The following COLEC12 variants were observed in gnomAD, a reference collection of about 807,000 sequenced individuals.
COLEC12 encodes collectin-12.
A neutral mutation model predicts 71.1 loss-of-function variants in COLEC12; 33 were observed. That is an observed-to-expected ratio of 0.46 (90% confidence interval 0.35 to 0.62). COLEC12 has a LOEUF of 0.62. Among genes scored for constraint, COLEC12 ranks in the 20% least tolerant of loss-of-function variants. The probability of loss-of-function intolerance (pLI) is 0.00; values close to 1 mark genes in which losing one functional copy is unlikely to be tolerated. For missense variants in COLEC12, 765 were observed against 916.1 expected, an observed-to-expected ratio of 0.84 and a Z score of 2.13; for synonymous variants, 350 against 353.0, an observed-to-expected ratio of 0.99 and a Z score of 0.10.
At chr18:405,190 C>G (rs530795076) in intron 2 of COLEC12, among the ~76,000 whole-genome samples, 2 of 152,166 alleles carry the variant, frequency 1.3e-5, no homozygotes, top group African/African-American at 4.8e-5. Flanking sequence ...CAAGACAATA[C>G]GTGCACCGCT....
chr18:455,531 A>G (rs540450113), intron 2 of COLEC12, among the ~76,000 whole-genome samples: 6 of 152,240 alleles, frequency 3.9e-5, no homozygotes, highest in Admixed American at 3.9e-4. Context: ...CAGAATGTAC[A>G]GGTTTGTTAC....
At chr18:329,963 G>T (rs1245504871) in intron 8 of COLEC12, among the ~76,000 whole-genome samples, 3 of 152,120 alleles carry the variant, frequency 2.0e-5, no homozygotes, top group Non-Finnish European at 4.4e-5. Flanking sequence ...TGTGATTCCA[G>T]GGACTTGGGA....
At chr18:370,169 T>C (rs1296342281) in intron 2 of COLEC12, among the ~76,000 whole-genome samples, 1 of 152,200 alleles carries the variant, frequency 6.6e-6, no homozygotes, top group Non-Finnish European at 1.5e-5. Context: ...AGAAGGCCTT[T>C]TGAACTTCAG....
intron 2 of COLEC12, among the ~76,000 whole-genome samples, chr18:394,660 C>T (rs950400113): frequency 6.6e-6 from 1 of 152,194 alleles, no homozygotes; most frequent in Non-Finnish European, 1.5e-5. Flanking sequence ...ATTATTGTTT[C>T]AACGGGAGGA....
At chr18:347,968 C>A (rs141431143) in intron 4 of COLEC12, 97 bp downstream of exon 4, 3 of 713,928 alleles carry the variant, frequency 4.2e-6, no homozygotes, top group Non-Finnish European at 7.2e-6. Flanking sequence ...AATGTCCTTC[C>A]GGGTGAATGG....
intron 1 of COLEC12, among the ~76,000 whole-genome samples, chr18:490,816 A>T (rs570333411): frequency 6.6e-6 from 1 of 152,322 alleles, no homozygotes; most frequent in African/African-American, 2.4e-5. Context: ...CAAACATCAT[A>T]GCAAATGCAG....
At chr18:389,194 TACACACACACACAGACACACAC>T (rs1567893177) in intron 2 of COLEC12, among the ~76,000 whole-genome samples, 1 of 124,172 alleles carries the variant, frequency 8.1e-6, no homozygotes, top group Non-Finnish European at 1.8e-5. Context: ...AAATGTCCAT[TACACACACACACAGACACACAC>T]ACACACACAC....
At chr18:351,352 T>A (rs905343478) in intron 3 of COLEC12, among the ~76,000 whole-genome samples, 2 of 152,072 alleles carry the variant, frequency 1.3e-5, no homozygotes, top group African/African-American at 4.8e-5. Flanking sequence ...GCTTGTCACT[T>A]CCTGTGGGAA....
At chr18:396,048 T>G (rs1915564184) in intron 2 of COLEC12, among the ~76,000 whole-genome samples, 1 of 152,186 alleles carries the variant, frequency 6.6e-6, no homozygotes, top group South Asian at 2.1e-4. Flanking sequence ...GCTGCTAGGT[T>G]TGATTACTTT....
intron 2 of COLEC12, among the ~76,000 whole-genome samples, chr18:416,172 C>A (rs1282399130): frequency 6.6e-6 from 1 of 152,112 alleles, no homozygotes; most frequent in Non-Finnish European, 1.5e-5. Context: ...TAACAGATAA[C>A]AATGCAAACC....
chr18:484,776 TGGATTCAGG>T (rs1432891481), intron 1 of COLEC12, among the ~76,000 whole-genome samples: 2 of 152,126 alleles, frequency 1.3e-5, no homozygotes, highest in Non-Finnish European at 2.9e-5. Context: ...AAGAGTTGGG[TGGATTCAGG>T]GCAGAAAAAG....
chr18:332,359 A>C (rs528800603), intron 7 of COLEC12, among the ~76,000 whole-genome samples: 1 of 152,292 alleles, frequency 6.6e-6, no homozygotes, highest in East Asian at 1.9e-4. Context: ...GGGAGAAGGG[A>C]GGAGGCCACT....
At chr18:482,310 C>T (rs148031795) in intron 1 of COLEC12, among the ~76,000 whole-genome samples, 3,110 of 152,128 alleles carry the variant, frequency 0.02, 128 homozygotes, top group East Asian at 0.2. Context: ...GATGAGGTTT[C>T]ACCATATTGG....
intron 1 of COLEC12, among the ~76,000 whole-genome samples, chr18:497,098 T>C (rs190748097): frequency 6.6e-6 from 1 of 152,326 alleles, no homozygotes; most frequent in Admixed American, 6.5e-5. Flanking sequence ...TTCTGGGTAA[T>C]ATATAATGAT....
In COLEC12 at chr18:319,994, C is replaced by T; in HGVS notation, c.*51G>A. 2.7e-6 allele frequency: 3 copies of T among 1,130,238 alleles called. No individual in the cohort carries two copies. Among genetic ancestry groups the T allele is most frequent in the Non-Finnish European group, 3.9e-6 (3 of 767,950 alleles). The allele number at this position is 1,130,238 out of a possible 1,614,324, so 70.0% of individuals were successfully genotyped here. A position where few individuals can be genotyped will look rare whatever the true frequency, so the allele number is the denominator to read the frequency against. On this transcript the variant is annotated 3_prime_UTR_variant, in exon 10 of 10. Coordinates refer to ENST00000400256, the MANE Select transcript of COLEC12 (RefSeq NM_130386.3). ...AGGTGATGCAATTAGAAAGGAGTGT[C>T]CTTTGCCTTTGAGAGCTGAAAATTT... is the stretch of plus-strand genomic sequence containing the variant.
In COLEC12 at chr18:367,507, C is replaced by T. The variant is rs899525827; in HGVS notation, c.59-9985G>A. ...ACTTTCTTCAAGTGAAGATGATAGT[C>T]GAAGACACTTAAAATTAAGGGAACG... On this transcript the variant is annotated intron_variant, in intron 2 of 9. Transcript: ENST00000400256. 4.6e-5 allele frequency among the ~76,000 whole-genome samples: 7 copies of T among 152,256 alleles called. No individual in the cohort carries two copies. The South Asian group carries it at 8.3e-4, about 18-fold the overall frequency.
chr18:364,783 T>C (rs530470716), intron 2 of COLEC12, among the ~76,000 whole-genome samples: 1 of 152,280 alleles, frequency 6.6e-6, no homozygotes, highest in African/African-American at 2.4e-5. Flanking sequence ...AGGCTATTAC[T>C]GAGGACCTGA....
Position 319,721 on chromosome 18 carries a change from C to G in COLEC12, c.*324G>C. ...TTAAGTTCTTCCCATAACTCAACGACCAATGATAACCTTTTTCTGATTGGA... is the reference window on the plus strand; with the variant it reads ...TTAAGTTCTTCCCATAACTCAACGAGCAATGATAACCTTTTTCTGATTGGA... On this transcript the variant is annotated 3_prime_UTR_variant, in exon 10 of 10. Coordinates refer to ENST00000400256, the MANE Select transcript of COLEC12 (RefSeq NM_130386.3). The G allele has an allele frequency of 2.9e-6, 1 of 350,132 alleles. No individual in the cohort carries two copies. The highest frequency in any genetic ancestry group is 2.2e-5 in the African/African-American group (1 of 45,632). 21.7% of individuals were successfully genotyped at this position (350,132 alleles called of 1,614,324 possible). A position where few individuals can be genotyped will look rare whatever the true frequency, so the allele number is the denominator to read the frequency against.
intron 2 of COLEC12, among the ~76,000 whole-genome samples, chr18:414,356 G>A (rs531287875): frequency 4.9e-4 from 75 of 152,240 alleles, no homozygotes; most frequent in African/African-American, 1.8e-3. Flanking sequence ...TTGGGAGGCC[G>A]AGGCGGGTGG....
Sources: gnomAD v4.1 joint callset for allele counts (sites outside exome capture counted in the v4.1 genomes callset) on GRCh38, gnomAD v4.1.1 for gene constraint, MANE v1.5 for transcripts, NCBI Gene and HGNC (gene_info 2026-07-23, HGNC 2026-07-21) for gene names.